TPD52: variants seen among roughly 807,000 people sequenced by gnomAD.
TPD52 encodes tumor protein D52.
TPD52 carries 17 observed loss-of-function variants against 31.3 expected under a neutral mutation model. The observed-to-expected ratio is 0.54, with a 90% CI of 0.37 to 0.82. The LOEUF (loss-of-function observed/expected upper bound fraction) is 0.82, where lower values mean the gene tolerates loss of function less well. TPD52 is among the 40% of genes least tolerant of loss of function. TPD52 has a pLI of 0.00. For missense variants in TPD52, 212 were observed against 240.1 expected (o/e 0.88, Z 0.77); for synonymous variants, 83 against 89.6 (o/e 0.93, Z 0.42).
At chr8:80,047,462 G>A (rs534069586) in intron 5 of TPD52, among the ~76,000 whole-genome samples, 10 of 152,132 alleles carry the variant, frequency 6.6e-5, no homozygotes, top group African/African-American at 2.2e-4. Flanking sequence ...AGCATATCAC[G>A]TTGAAGCTTT....
Position 80,035,597 on chromosome 8 carries a change from T to C in TPD52, c.*2519A>G, listed in dbSNP as rs928004147. ...ACAGATCCAGATCCAAATTAAATAC[T>C]TTTTTTCTATTTCAAACTATTCTAA... On this transcript the variant is annotated 3_prime_UTR_variant, in exon 8 of 8. Coordinates refer to ENST00000518937, the MANE Select transcript of TPD52 (RefSeq NM_001025253.3). The C allele has an allele frequency of 2.0e-5, 3 of 152,346 alleles. No individual in the cohort carries two copies. The East Asian group carries it at 5.8e-4, about 29-fold the overall frequency. 9.4% of individuals were successfully genotyped at this position (152,346 alleles called of 1,614,324 possible).
intron 1 of TPD52, among the ~76,000 whole-genome samples, chr8:80,094,446 A>ATG (rs1816551152): frequency 1.9e-5 from 1 of 53,216 alleles, no homozygotes; most frequent in African/African-American, 1.4e-4. Context: ...ATATATATAT[A>ATG]TATATATATA....
chr8:80,066,800 T>C (rs1813202337), intron 1 of TPD52: 1 of 152,190 alleles, frequency 6.6e-6, no homozygotes, highest in Admixed American at 6.5e-5. Flanking sequence ...CTATGTCAGA[T>C]TATGTGAAGA....
intron 1 of TPD52, among the ~76,000 whole-genome samples, chr8:80,157,408 G>A (rs1220127579): frequency 1.3e-5 from 2 of 152,184 alleles, no homozygotes; most frequent in African/African-American, 4.8e-5. Context: ...AATCAGCAGT[G>A]TAAAGTCACT....
At chr8:80,101,445 G>C (rs1311540937) in intron 1 of TPD52, among the ~76,000 whole-genome samples, 7 of 86,232 alleles carry the variant, frequency 8.1e-5, no homozygotes, top group African/African-American at 4.1e-4. Flanking sequence ...GAGACTCCCA[G>C]CTCAAAAAAA....
At chr8:80,081,313 C>T (rs117713904) in intron 1 of TPD52, among the ~76,000 whole-genome samples, 2,076 of 152,110 alleles carry the variant, frequency 0.014, 24 homozygotes, top group Non-Finnish European at 0.022. Context: ...ACCTGCGTAC[C>T]CACCCTGCAG....
At chr8:80,134,982 G>A (rs537550500) in intron 1 of TPD52, among the ~76,000 whole-genome samples, 23 of 152,342 alleles carry the variant, frequency 1.5e-4, no homozygotes, top group African/African-American at 5.1e-4. Flanking sequence ...GTTTCAACAT[G>A]AAGAAGCTGA....
chr8:80,133,739 T>C (rs1586364718), intron 1 of TPD52, among the ~76,000 whole-genome samples: 1 of 144,030 alleles, frequency 6.9e-6, no homozygotes, highest in Non-Finnish European at 1.5e-5. Context: ...AGTTCAAGAG[T>C]CCAGGAACTT....
At chr8:80,103,677 A>C (rs1272281791) in intron 1 of TPD52, among the ~76,000 whole-genome samples, 1 of 152,238 alleles carries the variant, frequency 6.6e-6, no homozygotes, top group East Asian at 1.9e-4. Flanking sequence ...AGACTTAGAT[A>C]CGTGCATTCT....
At chr8:80,089,822 A>T (rs991314467) in intron 1 of TPD52, among the ~76,000 whole-genome samples, 1 of 152,238 alleles carries the variant, frequency 6.6e-6, no homozygotes, top group African/African-American at 2.4e-5. Context: ...CTAGGCACAG[A>T]GCTAGAAAGT....
At chr8:80,121,332 A>G (rs187614734) in intron 1 of TPD52, among the ~76,000 whole-genome samples, 1 of 152,308 alleles carries the variant, frequency 6.6e-6, no homozygotes, top group African/African-American at 2.4e-5. Flanking sequence ...AGGAGCCCCC[A>G]GTAAACATGA....
intron 3 of TPD52, 130 bp from the exon 4 acceptor site, chr8:80,051,758 C>G: frequency 1.4e-6 from 1 of 707,804 alleles, no homozygotes; most frequent in Non-Finnish European, 2.3e-6. Flanking sequence ...TTCAGAACTT[C>G]TAAAATCCTT....
intron 1 of TPD52, among the ~76,000 whole-genome samples, chr8:80,100,444 A>T (rs186945644): frequency 1.1e-4 from 16 of 152,310 alleles, no homozygotes; most frequent in Non-Finnish European, 1.9e-4. Context: ...TCTCTCTAAA[A>T]ACCAATTGTT....
chr8:80,162,480 A>G (rs73252137), intron 1 of TPD52, among the ~76,000 whole-genome samples: 2,036 of 152,216 alleles, frequency 0.013, 49 homozygotes, highest in African/African-American at 0.046. Flanking sequence ...ATTGAAGCCT[A>G]TAAGCTCTGT....
At chr8:80,129,863 C>A (rs565931492) in intron 1 of TPD52, among the ~76,000 whole-genome samples, 12 of 152,148 alleles carry the variant, frequency 7.9e-5, no homozygotes, top group Admixed American at 1.3e-4. Context: ...CCACACCCAG[C>A]TAATTTTTGT....
chr8:80,087,959 AT>A (rs1484447609), intron 1 of TPD52, among the ~76,000 whole-genome samples: 1 of 152,172 alleles, frequency 6.6e-6, no homozygotes, highest in Non-Finnish European at 1.5e-5. Context: ...ATGCTCTCTT[AT>A]TTACAAAATT....
intron 2 of TPD52, among the ~76,000 whole-genome samples, chr8:80,056,239 A>T (rs1158010032): frequency 1.3e-5 from 2 of 152,242 alleles, no homozygotes; most frequent in African/African-American, 4.8e-5. Flanking sequence ...CCTAGAGAAC[A>T]ATACGTTAAG....
chr8:80,124,874 A>G (rs947412119), intron 1 of TPD52, among the ~76,000 whole-genome samples: 1 of 152,186 alleles, frequency 6.6e-6, no homozygotes, highest in African/African-American at 2.4e-5. Context: ...AATTGAGCAG[A>G]AAGTACAGAG....
At chr8:80,164,897 T>TAAAAAAA (rs1811609622) in intron 1 of TPD52, among the ~76,000 whole-genome samples, 1 of 15,608 alleles carries the variant, frequency 6.4e-5, no homozygotes, top group Non-Finnish European at 1.0e-4. Flanking sequence ...AGACAATGTC[T>TAAAAAAA]CAAAAAAAAA....
Sources: gnomAD v4.1 joint callset for allele counts (sites outside exome capture counted in the v4.1 genomes callset) on GRCh38, gnomAD v4.1.1 for gene constraint, MANE v1.5 for transcripts, NCBI Gene and HGNC (gene_info 2026-07-23, HGNC 2026-07-21) for gene names.